Variants in FHIT observed in about 807,000 individuals in gnomAD.
FHIT encodes the protein bis(5'-adenosyl)-triphosphatase.
A neutral mutation model predicts 17.9 loss-of-function variants in FHIT; 19 were observed. The ratio of observed to expected loss-of-function variants is 1.06; its 90% confidence interval spans 0.74 to 1.56. The LOEUF is 1.56. Ranked by LOEUF, FHIT falls within the 40% of genes most tolerant of loss-of-function variation. FHIT has a pLI of 0.00. For synonymous variants in FHIT, 81 were observed against 69.7 expected, an observed-to-expected ratio of 1.16 and a Z score of -0.81; for missense variants, 248 against 189.2, an observed-to-expected ratio of 1.31 and a Z score of -1.82.
intron 5 of FHIT, among the ~76,000 whole-genome samples, chr3:60,532,535 T>C (rs2035824244): frequency 6.6e-6 from 1 of 152,220 alleles, no homozygotes; most frequent in South Asian, 2.1e-4. Context: ...GAATGTGTAC[T>C]CTTCAAAATG....
intron 2 of FHIT, among the ~76,000 whole-genome samples, chr3:61,079,829 T>C (rs1271733298): frequency 2.6e-5 from 4 of 152,182 alleles, no homozygotes; most frequent in Non-Finnish European, 5.9e-5. Context: ...GTACATACCA[T>C]ACTCATATGA....
intron 8 of FHIT, among the ~76,000 whole-genome samples, chr3:59,844,574 A>G (rs1380204336): frequency 1.3e-5 from 2 of 152,066 alleles, no homozygotes; most frequent in African/African-American, 4.8e-5. Flanking sequence ...ATCAACTGAG[A>G]TGATAATGTG....
At chr3:60,165,419 A>T (rs1701128610) in intron 5 of FHIT, among the ~76,000 whole-genome samples, 1 of 152,206 alleles carries the variant, frequency 6.6e-6, no homozygotes, top group Non-Finnish European at 1.5e-5. Flanking sequence ...CAAAGAGTAC[A>T]TGGGAGTCAC....
intron 3 of FHIT, among the ~76,000 whole-genome samples, chr3:60,988,083 C>T (rs543225132): frequency 2.0e-5 from 3 of 152,248 alleles, no homozygotes; most frequent in African/African-American, 4.8e-5. Flanking sequence ...TACTATCAAA[C>T]CAGTATATTA....
chr3:60,766,224 T>C (rs1699849837), intron 4 of FHIT, among the ~76,000 whole-genome samples: 1 of 152,210 alleles, frequency 6.6e-6, no homozygotes, highest in Non-Finnish European at 1.5e-5. Flanking sequence ...AGAAGAGATG[T>C]CTATTCTTAA....
chr3:60,425,755 G>T (rs182090857), intron 5 of FHIT, among the ~76,000 whole-genome samples: 5 of 152,082 alleles, frequency 3.3e-5, no homozygotes, highest in Non-Finnish European at 7.4e-5. Flanking sequence ...AGTTAAATCA[G>T]AATTACACAC....
intron 8 of FHIT, among the ~76,000 whole-genome samples, chr3:59,868,047 T>TAAA (rs1553701048): frequency 1.2e-4 from 13 of 111,354 alleles, no homozygotes; most frequent in South Asian, 3.0e-4. Flanking sequence ...TTTTTTTTTT[T>TAAA]AAAAAAAAAA....
intron 7 of FHIT, among the ~76,000 whole-genome samples, chr3:59,996,861 G>A (rs1377166678): frequency 6.6e-6 from 1 of 152,074 alleles, no homozygotes; most frequent in Non-Finnish European, 1.5e-5. Flanking sequence ...ATAGTGAAAT[G>A]ACAGAACCCC....
rs78472792 is a variant in FHIT, at chr3:61,194,798, C to T, written c.-164+5819G>A. On this transcript the variant is annotated intron_variant, in intron 2 of 9. Coordinates refer to ENST00000492590, the MANE Select transcript of FHIT (RefSeq NM_002012.4). ...GGAAATATCCTCTAATAATACTTAC[C>T]TACTTCAGAGGGTGATGGGAAGCTC... Among the ~76,000 whole-genome samples the T allele has an allele frequency of 5.9e-5, 9 of 152,190 alleles. No homozygotes were observed. The East Asian group carries it at 1.5e-3, about 26-fold the overall frequency.
At chr3:60,700,363 A>C (rs1413102640) in intron 4 of FHIT, among the ~76,000 whole-genome samples, 1 of 152,174 alleles carries the variant, frequency 6.6e-6, no homozygotes, top group African/African-American at 2.4e-5. Flanking sequence ...ACGGTCTCAT[A>C]TCGTTCCAAT....
chr3:61,210,056 T>C (rs2039405902), intron 1 of FHIT, among the ~76,000 whole-genome samples: 1 of 152,262 alleles, frequency 6.6e-6, no homozygotes, highest in Non-Finnish European at 1.5e-5. Context: ...TGCAGGTCTG[T>C]TGGAGTTTCC....
At chr3:59,809,426 A>G (rs1274595705) in intron 8 of FHIT, among the ~76,000 whole-genome samples, 1 of 152,210 alleles carries the variant, frequency 6.6e-6, no homozygotes, top group East Asian at 1.9e-4. Context: ...AGTTTTGGAC[A>G]TCCAGCATCT....
At chr3:60,980,262 C>T (rs1416350043) in intron 3 of FHIT, among the ~76,000 whole-genome samples, 1 of 152,274 alleles carries the variant, frequency 6.6e-6, no homozygotes, top group African/African-American at 2.4e-5. Flanking sequence ...ATAAACACAA[C>T]ATCTTTTCTG....
chr3:60,749,894 T>C (rs1031742835), intron 4 of FHIT, among the ~76,000 whole-genome samples: 3 of 152,182 alleles, frequency 2.0e-5, no homozygotes, highest in Non-Finnish European at 4.4e-5. Flanking sequence ...GCATGTGACA[T>C]TAACAAGTGA....
chr3:60,048,143 C>T (rs1429303747), intron 5 of FHIT, among the ~76,000 whole-genome samples: 3 of 152,030 alleles, frequency 2.0e-5, no homozygotes, highest in Non-Finnish European at 2.9e-5. Flanking sequence ...CAGATTGGGA[C>T]CCACCGTAAT....
intron 8 of FHIT, among the ~76,000 whole-genome samples, chr3:59,779,923 T>A (rs1284251293): frequency 6.6e-6 from 1 of 152,162 alleles, no homozygotes; most frequent in Non-Finnish European, 1.5e-5. Context: ...GACACACAGG[T>A]AACATCCATC....
chr3:60,875,952 TG>T (rs1704634676), intron 3 of FHIT, among the ~76,000 whole-genome samples: 4 of 151,530 alleles, frequency 2.6e-5, no homozygotes, highest in African/African-American at 9.7e-5. Context: ...TGTGTGTGTG[TG>T]TGTGTGTGTG....
At chr3:59,935,276 C>T (rs576717292) in intron 7 of FHIT, among the ~76,000 whole-genome samples, 118 of 152,308 alleles carry the variant, frequency 7.7e-4, no homozygotes, top group African/African-American at 2.8e-3. Flanking sequence ...TTGTGCTTCT[C>T]AGCTGTTGTT....
intron 4 of FHIT, among the ~76,000 whole-genome samples, chr3:60,660,489 A>G (rs2040214368): frequency 6.6e-6 from 1 of 152,126 alleles, no homozygotes; most frequent in Non-Finnish European, 1.5e-5. Flanking sequence ...CTTGGAAATT[A>G]AAAGCCTTCA....
Sources: allele counts gnomAD v4.1 joint callset (sites outside exome capture counted in the v4.1 genomes callset), GRCh38; gene constraint gnomAD v4.1.1; transcripts MANE v1.5; gene names NCBI Gene and HGNC (gene_info 2026-07-23, HGNC 2026-07-21).